ABL2: variants seen among roughly 807,000 people sequenced by gnomAD.
ABL2 encodes the protein tyrosine-protein kinase ABL2.
Under a neutral mutation model 107.7 loss-of-function variants are expected in ABL2, and 49 were observed. The ratio of observed to expected loss-of-function variants is 0.45; its 90% CI spans 0.36 to 0.58. The LOEUF is 0.58. Among genes scored for constraint, ABL2 ranks in the 20% least tolerant of loss-of-function variants. The probability of loss-of-function intolerance (pLI) is 0.00; values close to 1 mark genes in which losing one functional copy is unlikely to be tolerated. For synonymous variants in ABL2, 549 were observed against 548.6 expected, an observed-to-expected ratio of 1.00 and a Z score of -0.01; for missense variants, 1,245 against 1,457.0, an observed-to-expected ratio of 0.85 and a Z score of 2.37.
intron 1 of ABL2, among the ~76,000 whole-genome samples, chr1:179,186,482 G>A (rs143802385): frequency 0.014 from 2,054 of 151,954 alleles, 66 homozygotes; most frequent in African/African-American, 0.046. Context: ...GAGTTCAAGC[G>A]ATTCTCCTTC....
chr1:179,177,731 A>G (rs567029158), intron 1 of ABL2, among the ~76,000 whole-genome samples: 1 of 152,342 alleles, frequency 6.6e-6, no homozygotes, highest in South Asian at 2.1e-4. Context: ...CTGCAAAGTT[A>G]GACTATGTAT....
chr1:179,229,166 G>GA, intron 1 of ABL2, 75 bp downstream of exon 1: 1 of 612,874 alleles, frequency 1.6e-6, no homozygotes, highest in Non-Finnish European at 2.6e-6. Context: ...CGGGCAGCCC[G>GA]TCCGCCACCC....
At chr1:179,172,321 ACT>A (rs753667946) in intron 1 of ABL2, among the ~76,000 whole-genome samples, 1 of 151,698 alleles carries the variant, frequency 6.6e-6, no homozygotes, top group Admixed American at 6.6e-5. Flanking sequence ...TACCTCTACC[ACT>A]CTCTGTATAT....
At position 179,104,046 on chromosome 1, in the gene ABL2, G is replaced by GTTTGT. The variant is rs1025192904; in HGVS notation, c.*3667_*3671dup. On this transcript the variant is annotated 3_prime_UTR_variant, in exon 12 of 12. Coordinates refer to ENST00000502732, the MANE Select transcript of ABL2 (RefSeq NM_007314.4). Reference sequence around the variant, plus strand: ...TGGGGCTATTCCGTCAGTTTTTTTTGTTTGTTTTGTTTTGTTTTTTAACCC... The same window carrying GTTTGT: ...TGGGGCTATTCCGTCAGTTTTTTTTGTTTGTTTTGTTTTGTTTTGTTTTTTAACCC... The GTTTGT allele has an allele frequency of 2.1e-5, 5 of 233,160 alleles. No homozygotes were observed. The highest frequency in any genetic ancestry group is 8.8e-5 in the African/African-American group (4 of 45,402). 14.4% of individuals were successfully genotyped at this position (233,160 alleles called of 1,614,324 possible).
In ABL2 at chr1:179,126,926, C is replaced by T. The variant is rs111374127; in HGVS notation, c.392-254G>A. 3.6e-4 allele frequency among the ~76,000 whole-genome samples: 55 copies of T among 152,140 alleles called. No homozygotes were observed. Among genetic ancestry groups the T allele is most frequent in the African/African-American group, 1.2e-3 (51 of 41,502 alleles). On this transcript the variant is annotated intron_variant, in intron 3 of 11. Transcript: ENST00000502732. The surrounding 1 kb of genome is among the most constrained non-coding windows in gnomAD (Gnocchi z 4.4). ...GCATTTACTACAGGGTTTTAAAAGT[C>T]TATATACAACTTAAAAAATATCCTT...
rs1656319555 is a variant in ABL2, at chr1:179,131,456, A to G, written c.246T>C (p.Cys82=). ...SPEALHRPYG[C]DVEPQALNEA... ...CATTTAGTGCCTGGGGTTCAACATC[A>G]CAACCATAGGGACGATGCAAAGCTT... The change falls in exon 3 of 12, where the codon TGT becomes TGC. Residue 82 remains cysteine (C), a synonymous_variant. Transcript: ENST00000502732. 1 of 1,614,094 alleles carries G rather than the reference A, an allele frequency of 6.2e-7. No individual in the cohort carries two copies.
intron 1 of ABL2, among the ~76,000 whole-genome samples, chr1:179,193,435 A>G (rs1415791861): frequency 6.6e-6 from 1 of 151,178 alleles, no homozygotes; most frequent in Non-Finnish European, 1.5e-5. Flanking sequence ...ACAGAGTCTC[A>G]TTCTGTCACT....
At chr1:179,110,980 C>A in intron 10 of ABL2, 4 of 598,666 alleles carry the variant, frequency 6.7e-6, no homozygotes, top group Non-Finnish European at 7.6e-6. Flanking sequence ...TTATTTTTGG[C>A]TTTTTTTTTT....
intron 1 of ABL2, among the ~76,000 whole-genome samples, chr1:179,195,645 G>A (rs1661266795): frequency 6.6e-6 from 1 of 152,068 alleles, no homozygotes; most frequent in African/African-American, 2.4e-5. Flanking sequence ...TCCATAAAGA[G>A]ATGAGTGGAT....
intron 1 of ABL2, among the ~76,000 whole-genome samples, chr1:179,189,198 C>T (rs1233662161): frequency 6.6e-6 from 1 of 151,990 alleles, no homozygotes; most frequent in Non-Finnish European, 1.5e-5. Flanking sequence ...TGCAATGGTG[C>T]GATCTAGGCT....
intron 4 of ABL2, among the ~76,000 whole-genome samples, chr1:179,125,980 CAAAA>C (rs1408627491): frequency 6.6e-6 from 1 of 152,116 alleles, no homozygotes; most frequent in African/African-American, 2.4e-5. Context: ...ACACCAAGCT[CAAAA>C]GTCTAAATTC....
Position 179,125,704 on chromosome 1 carries a change from T to G in ABL2, c.687+673A>C, listed in dbSNP as rs28914530. Reference sequence around the variant, plus strand: ...TAATTACAGACAGGGAAATTGAGACTTATGTAAGGTCACAATCAGATCTGC... The same window carrying G: ...TAATTACAGACAGGGAAATTGAGACGTATGTAAGGTCACAATCAGATCTGC... On this transcript the variant is annotated intron_variant, in intron 4 of 11. Coordinates refer to ENST00000502732, the MANE Select transcript of ABL2 (RefSeq NM_007314.4). Among the ~76,000 whole-genome samples, 779 of 152,328 alleles carry G rather than the reference T, an allele frequency of 5.1e-3. 6 individuals are homozygous for G. The highest frequency in any genetic ancestry group is 0.018 in the African/African-American group (731 of 41,574).
intron 4 of ABL2, among the ~76,000 whole-genome samples, chr1:179,125,459 T>A (rs1274194098): frequency 6.6e-6 from 1 of 152,230 alleles, no homozygotes; most frequent in Non-Finnish European, 1.5e-5. Context: ...ACATATGCAC[T>A]CATTTCTATT....
intron 1 of ABL2, among the ~76,000 whole-genome samples, chr1:179,188,362 C>T (rs1424848463): frequency 2.0e-5 from 3 of 151,542 alleles, no homozygotes; most frequent in East Asian, 3.9e-4. Context: ...GCCAATATGG[C>T]GAAACCCTAT....
chr1:179,206,737 T>C (rs952497914), intron 1 of ABL2, among the ~76,000 whole-genome samples: 1 of 152,180 alleles, frequency 6.6e-6, no homozygotes, highest in Non-Finnish European at 1.5e-5. Context: ...CTGTATCTCT[T>C]GAATTTTGAA....
chr1:179,118,825 T>G (rs904501805), intron 6 of ABL2, 61 bp from the exon 7 acceptor site: 2 of 1,547,336 alleles, frequency 1.3e-6, no homozygotes, highest in Non-Finnish European at 1.8e-6. Context: ...CCAAACCACT[T>G]TGGCCAAGAA....
chr1:179,110,675 C>T, intron 10 of ABL2: 3 of 1,569,422 alleles, frequency 1.9e-6, no homozygotes, highest in Non-Finnish European at 2.6e-6. Flanking sequence ...GTTCTCATTG[C>T]TGTGTAGCAT....
chr1:179,208,818 G>A (rs1662116343), intron 1 of ABL2, among the ~76,000 whole-genome samples: 1 of 152,186 alleles, frequency 6.6e-6, no homozygotes. Flanking sequence ...AAGCACAACA[G>A]TTAAGAGTGT....
At chr1:179,109,868 C>T (rs990779870) in intron 11 of ABL2, among the ~76,000 whole-genome samples, 1 of 149,780 alleles carries the variant, frequency 6.7e-6, no homozygotes, top group Non-Finnish European at 1.5e-5. Context: ...GCGGAGCTTG[C>T]AGTGAGCCGA....
Sources: gnomAD v4.1 joint callset for allele counts (sites outside exome capture counted in the v4.1 genomes callset) on GRCh38, gnomAD v4.1.1 for gene constraint, Gnocchi (gnomAD v3.1) non-coding constraint, MANE v1.5 for transcripts, NCBI Gene and HGNC (gene_info 2026-07-23, HGNC 2026-07-21) for gene names.